Variants in ACOXL observed in about 807,000 individuals in gnomAD.
The protein encoded by ACOXL is acyl-coenzyme A oxidase-like protein.
Under a neutral mutation model 71.9 loss-of-function variants are expected in ACOXL, and 70 were observed. That is an observed-to-expected ratio of 0.97 (90% confidence interval 0.80 to 1.19). ACOXL has a LOEUF of 1.19. ACOXL is among the 50% of genes most tolerant of loss of function. ACOXL has a pLI of 0.00. For synonymous variants in ACOXL, 253 were observed against 281.6 expected (o/e 0.90, Z 1.02); for missense variants, 703 against 736.3 (o/e 0.95, Z 0.52).
intron 12 of ACOXL, among the ~76,000 whole-genome samples, chr2:110,936,909 G>T (rs1020570841): frequency 2.0e-5 from 3 of 151,008 alleles, no homozygotes; most frequent in African/African-American, 7.3e-5. Flanking sequence ...GTGCAATGGT[G>T]CAATCTTGGC....
At chr2:111,022,538 C>T (rs1374690164) in intron 14 of ACOXL, among the ~76,000 whole-genome samples, 1 of 152,056 alleles carries the variant, frequency 6.6e-6, no homozygotes, top group Non-Finnish European at 1.5e-5. Context: ...CCCTTCCTGC[C>T]CCTGGCACAG....
chr2:111,049,185 A>G (rs202033290), intron 15 of ACOXL, 33 bp from the exon 16 acceptor site: 958 of 1,531,462 alleles, frequency 6.3e-4, no homozygotes, highest in Non-Finnish European at 6.9e-4. Flanking sequence ...GCGGAAGTGA[A>G]GTCATTCACA....
At chr2:110,772,850 C>T (rs892498741) in intron 2 of ACOXL, among the ~76,000 whole-genome samples, 1 of 152,170 alleles carries the variant, frequency 6.6e-6, no homozygotes, top group African/African-American at 2.4e-5. Flanking sequence ...TCAACCAAAA[C>T]AACATATCAC....
intron 14 of ACOXL, among the ~76,000 whole-genome samples, chr2:111,028,030 T>G (rs185408544): frequency 6.6e-6 from 1 of 151,710 alleles, no homozygotes; most frequent in Admixed American, 6.6e-5. Flanking sequence ...TACTGAAAAT[T>G]CAGAAGAGTT....
chr2:111,062,413 A>G (rs1283441091), intron 16 of ACOXL, among the ~76,000 whole-genome samples: 4 of 152,106 alleles, frequency 2.6e-5, no homozygotes, highest in Non-Finnish European at 4.4e-5. Flanking sequence ...TGAGAGAACA[A>G]CTAGACAGAA....
At chr2:110,844,090 G>C (rs1391170707) in intron 10 of ACOXL, among the ~76,000 whole-genome samples, 6 of 152,210 alleles carry the variant, frequency 3.9e-5, no homozygotes, top group Non-Finnish European at 7.3e-5. Flanking sequence ...GGAGCAGAAA[G>C]AATGGTTAGA....
chr2:110,982,567 G>T (rs1367235531), intron 12 of ACOXL, among the ~76,000 whole-genome samples: 3 of 152,188 alleles, frequency 2.0e-5, no homozygotes, highest in Non-Finnish European at 4.4e-5. Flanking sequence ...ATGCATGATG[G>T]TGGAAAATCA....
intron 12 of ACOXL, among the ~76,000 whole-genome samples, chr2:110,936,958 C>T (rs1343995137): frequency 6.6e-6 from 1 of 151,984 alleles, no homozygotes; most frequent in Non-Finnish European, 1.5e-5. Flanking sequence ...AGCAATTCTC[C>T]TCCCTCAGCC....
chr2:110,882,918 G>A (rs1189609314), intron 10 of ACOXL, among the ~76,000 whole-genome samples: 1 of 152,146 alleles, frequency 6.6e-6, no homozygotes, highest in African/African-American at 2.4e-5. Context: ...TTGTTTGCAT[G>A]TATTTCAAAG....
chr2:110,757,263 G>A (rs998870033), intron 1 of ACOXL, among the ~76,000 whole-genome samples: 5 of 152,092 alleles, frequency 3.3e-5, no homozygotes, highest in Non-Finnish European at 7.3e-5. Flanking sequence ...GTATTCCATG[G>A]TATATATGTA....
At chr2:110,962,089 T>C (rs74817518) in intron 12 of ACOXL, among the ~76,000 whole-genome samples, 3,963 of 152,332 alleles carry the variant, frequency 0.026, 245 homozygotes, top group East Asian at 0.19. Flanking sequence ...AACACAATCC[T>C]GAGCCTCACT....
chr2:110,904,710 G>A (rs1420676684), intron 10 of ACOXL, among the ~76,000 whole-genome samples: 1 of 152,202 alleles, frequency 6.6e-6, no homozygotes, highest in Admixed American at 6.5e-5. Context: ...AAGGGAGAGG[G>A]CATGAAGGGA....
chr2:110,758,023 G>C (rs1325815699), intron 1 of ACOXL, among the ~76,000 whole-genome samples: 1 of 151,848 alleles, frequency 6.6e-6, no homozygotes, highest in Non-Finnish European at 1.5e-5. Flanking sequence ...TTATAATTTT[G>C]GGTTTTACAT....
intron 14 of ACOXL, among the ~76,000 whole-genome samples, chr2:111,015,076 GA>G (rs955628073): frequency 5.3e-5 from 8 of 152,166 alleles, no homozygotes; most frequent in Admixed American, 1.3e-4. Flanking sequence ...TTCTCAAAAA[GA>G]CACAAAAAGT....
rs550435428 is a variant in ACOXL at position 111,072,949 on chromosome 2, A to T, written c.1441-19916A>T. On this transcript the variant is annotated intron_variant, in intron 16 of 17. Transcript: ENST00000439055. ...GTATTGTGTATTTTTTATTTTTCCT[A>T]TTCCAATAGATATATAGAGGCATCT... 2.6e-5 allele frequency among the ~76,000 whole-genome samples: 4 copies of T among 152,268 alleles called. No individual in the cohort carries two copies. In the East Asian group the frequency reaches 7.7e-4, roughly 29 times the overall value.
At position 110,842,497 on chromosome 2, in the gene ACOXL, G is replaced by C. The variant is rs1373479106; in HGVS notation, c.788+1092G>C. Among the ~76,000 whole-genome samples the C allele has an allele frequency of 2.6e-5, 4 of 152,304 alleles. 1 individual carries two copies. Among genetic ancestry groups the C allele is most frequent in the Non-Finnish European group, 2.9e-5 (2 of 68,032 alleles). Reference sequence around the variant, plus strand: ...TTAATATAAGTTTTATATAACATGGGAGCTCTCACAAGGAAATAAAGACCC... The same window carrying C: ...TTAATATAAGTTTTATATAACATGGCAGCTCTCACAAGGAAATAAAGACCC... On this transcript the variant is annotated intron_variant, in intron 10 of 17. Coordinates refer to ENST00000439055, the MANE Select transcript of ACOXL (RefSeq NM_001142807.4).
At chr2:111,029,689 C>T (rs66504720) in intron 14 of ACOXL, among the ~76,000 whole-genome samples, 10,800 of 152,170 alleles carry the variant, frequency 0.071, 475 homozygotes, top group East Asian at 0.22. Flanking sequence ...CTGCCTGGGG[C>T]GGGTCTGGAG....
intron 10 of ACOXL, among the ~76,000 whole-genome samples, chr2:110,889,619 T>A (rs1026292831): frequency 6.6e-6 from 1 of 152,208 alleles, no homozygotes; most frequent in African/African-American, 2.4e-5. Context: ...CTGATGTCAT[T>A]CACTTGGCCT....
chr2:110,773,526 G>A (rs912349699), intron 2 of ACOXL, among the ~76,000 whole-genome samples: 4 of 152,152 alleles, frequency 2.6e-5, no homozygotes, highest in African/African-American at 9.6e-5. Flanking sequence ...CAGCCCCAGC[G>A]AGTGCTGCAG....
Sources: gnomAD v4.1 joint callset for allele counts (sites outside exome capture counted in the v4.1 genomes callset) on GRCh38, gnomAD v4.1.1 for gene constraint, MANE v1.5 for transcripts, NCBI Gene and HGNC (gene_info 2026-07-23, HGNC 2026-07-21) for gene names.